Variants in DNAH3 observed in about 807,000 individuals in gnomAD.
DNAH3 encodes dynein axonemal heavy chain 3.
Under a neutral mutation model 432.5 loss-of-function variants are expected in DNAH3, and 332 were observed. The ratio of observed to expected loss-of-function variants is 0.77; its 90% confidence interval spans 0.70 to 0.84. The LOEUF (loss-of-function observed/expected upper bound fraction) is 0.84, where lower values mean the gene tolerates loss of function less well. Among genes scored for constraint, DNAH3 ranks in the 40% least tolerant of loss-of-function variants. The pLI is 0.00. For missense variants in DNAH3, 4,861 were observed against 5,114.0 expected (o/e 0.95, Z 1.51); for synonymous variants, 1,956 against 1,900.2 (o/e 1.03, Z -0.76).
chr16:21,011,678 G>A (rs1404428860), intron 41 of DNAH3, among the ~76,000 whole-genome samples: 1 of 152,024 alleles, frequency 6.6e-6, no homozygotes, highest in Non-Finnish European at 1.5e-5. Flanking sequence ...GTTTTTGCAG[G>A]ACTTGAAGCC....
At chr16:20,979,530 T>C in exon 50 of DNAH3, 2 of 1,614,144 alleles carry the variant, frequency 1.2e-6, no homozygotes, top group Non-Finnish European at 1.7e-6. Flanking sequence ...TGGAAATATT[T>C]GCACATGGAC....
chr16:20,959,479 TAAC>T (rs1567529358), intron 53 of DNAH3, 75 bp from the exon 54 acceptor site: 3 of 1,439,576 alleles, frequency 2.1e-6, no homozygotes, highest in Non-Finnish European at 2.9e-6. Context: ...ATATCAACAA[TAAC>T]AACATGGCTG....
rs1160362734 is a variant in DNAH3 at position 20,965,054 on chromosome 16, CA to C, written c.8829del (p.Phe2943LeufsTer4). The C allele has an allele frequency of 6.2e-7, 1 of 1,614,130 alleles. No homozygotes were observed. The highest frequency in any genetic ancestry group is 8.5e-7 in the Non-Finnish European group (1 of 1,180,022). On this transcript the variant is annotated frameshift_variant, in exon 53 of 62. Coordinates refer to ENST00000261383, the Ensembl canonical transcript of DNAH3. LOFTEE classifies it high-confidence loss of function. The stretch of plus-strand genomic sequence containing the variant: ...TCCTTTTTCTTGGTGTTCATCTCTT[CA>C]AAGTCGTCATTCAGGGCCTGGAGCC...
chr16:21,118,754 T>C (rs954077471), intron 11 of DNAH3, among the ~76,000 whole-genome samples: 10 of 152,168 alleles, frequency 6.6e-5, no homozygotes, highest in Non-Finnish European at 1.5e-4. Flanking sequence ...TCCAAAAGTA[T>C]TGAGATTGCA....
chr16:20,983,387 A>G (rs929366592), intron 48 of DNAH3, among the ~76,000 whole-genome samples: 2 of 152,058 alleles, frequency 1.3e-5, no homozygotes, highest in Non-Finnish European at 2.9e-5. Context: ...CAGCCTCCCA[A>G]AGTGCTGGGA....
chr16:21,156,843 A>C (rs1447172223), intron 1 of DNAH3, among the ~76,000 whole-genome samples: 2 of 152,180 alleles, frequency 1.3e-5, no homozygotes, highest in African/African-American at 4.8e-5. Context: ...CTGCTGGCCC[A>C]GCCAAAAATG....
chr16:21,048,658 C>G (rs1351930973), intron 31 of DNAH3, among the ~76,000 whole-genome samples: 1 of 151,998 alleles, frequency 6.6e-6, no homozygotes, highest in Non-Finnish European at 1.5e-5. Flanking sequence ...ACGCTGGGAG[C>G]TGTAGACCGG....
chr16:20,998,865 C>T (rs1264568865), intron 43 of DNAH3, among the ~76,000 whole-genome samples: 1 of 151,590 alleles, frequency 6.6e-6, no homozygotes, highest in Non-Finnish European at 1.5e-5. Context: ...CTCATATAAT[C>T]CGATAATAAC....
chr16:21,105,088 C>T (rs915483457), intron 15 of DNAH3, among the ~76,000 whole-genome samples: 1 of 152,112 alleles, frequency 6.6e-6, no homozygotes, highest in Non-Finnish European at 1.5e-5. Flanking sequence ...TTAAAATGTC[C>T]ACCCTGGGTT....
At position 20,961,081 on chromosome 16, in the gene DNAH3, A is replaced by G. The variant is rs150025834; in HGVS notation, c.10601-1677T>C. Among the ~76,000 whole-genome samples, 36 of 152,328 alleles carry G rather than the reference A, an allele frequency of 2.4e-4. No individual in the cohort carries two copies. The East Asian group carries it at 6.0e-3, about 25-fold the overall frequency. ...GTGAACTCACACTAAAAAAAAACCT[A>G]CACGAGGAAGTACATCACTATGAGG... On this transcript the variant is annotated intron_variant, in intron 53 of 61. Coordinates refer to ENST00000261383, the Ensembl canonical transcript of DNAH3.
intron 44 of DNAH3, among the ~76,000 whole-genome samples, chr16:20,996,562 C>T (rs1229493766): frequency 3.3e-5 from 5 of 152,100 alleles, no homozygotes; most frequent in Non-Finnish European, 7.4e-5. Flanking sequence ...TGGGTTCAAG[C>T]GATTGTCCTG....
At chr16:21,098,266 ACT>A (rs2091740450) in intron 17 of DNAH3, among the ~76,000 whole-genome samples, 1 of 151,510 alleles carries the variant, frequency 6.6e-6, no homozygotes, top group South Asian at 2.1e-4. Flanking sequence ...ACATGGCAAA[ACT>A]CTCTATTAAA....
intron 11 of DNAH3, among the ~76,000 whole-genome samples, chr16:21,119,803 G>T (rs1416131382): frequency 6.6e-6 from 1 of 151,646 alleles, no homozygotes; most frequent in Non-Finnish European, 1.5e-5. Context: ...TCACCATGTT[G>T]GCTAGGCTGG....
At position 21,086,830 on chromosome 16, in the gene DNAH3, G is replaced by C. The variant is rs779863461; in HGVS notation, c.2877+19C>G. Reference sequence around the variant, plus strand: ...GCCTGGGCTGCGCTGCTTGGGGGCGGGCAGTGATTGATAGAAACCTGCTGC... The same window carrying C: ...GCCTGGGCTGCGCTGCTTGGGGGCGCGCAGTGATTGATAGAAACCTGCTGC... On this transcript the variant is annotated intron_variant, in intron 19 of 61. Transcript: ENST00000261383. 6.1e-5 allele frequency: 98 copies of C among 1,611,060 alleles called. No homozygotes were observed. Among genetic ancestry groups the C allele is most frequent in the Non-Finnish European group, 7.5e-5 (88 of 1,177,404 alleles).
chr16:20,952,416 ACTC>A lies in DNAH3; in HGVS notation c.11188+14_11188+16del, dbSNP rs1310009137. 1.3e-6 allele frequency: 2 copies of A among 1,505,806 alleles called. No individual in the cohort carries two copies. The highest frequency in any genetic ancestry group is 2.8e-5 in the African/African-American group (2 of 71,810). 93.3% of individuals were successfully genotyped at this position (1,505,806 alleles called of 1,614,324 possible). Reference sequence around the variant, plus strand: ...GATACTGGAGGTTTACAGTGGAAAAACTCCTCCCGTAAATACCTGTCAGGTAGG... The same window carrying A: ...GATACTGGAGGTTTACAGTGGAAAAACTCCCGTAAATACCTGTCAGGTAGG... On this transcript the variant is annotated intron_variant, in intron 56 of 61. Transcript: ENST00000261383.
At chr16:21,020,348 G>GTATATATATATATATATA (rs58198093) in intron 40 of DNAH3, among the ~76,000 whole-genome samples, 2 of 69,156 alleles carry the variant, frequency 2.9e-5, no homozygotes, top group Non-Finnish European at 5.0e-5. Flanking sequence ...TATAGTGTGT[G>GTATATATATATATATATA]TATATATATA....
intron 5 of DNAH3, among the ~76,000 whole-genome samples, chr16:21,136,957 A>AC (rs1206477646): frequency 1.3e-5 from 2 of 151,860 alleles, no homozygotes; most frequent in Admixed American, 1.3e-4. Flanking sequence ...ATATGGTGAA[A>AC]CCCCATCTCT....
exon 53 of DNAH3, chr16:20,965,076 G>C: frequency 1.2e-6 from 2 of 1,613,946 alleles, no homozygotes; most frequent in Non-Finnish European, 8.5e-7. Flanking sequence ...TCAGGGCCTG[G>C]AGCCGATCTA....
chr16:21,090,599 T>C (rs148948942), intron 18 of DNAH3, among the ~76,000 whole-genome samples: 3 of 152,286 alleles, frequency 2.0e-5, no homozygotes, highest in Non-Finnish European at 4.4e-5. Flanking sequence ...ACAACATGGA[T>C]GGAACTGGAG....
Sources: allele counts gnomAD v4.1 joint callset (sites outside exome capture counted in the v4.1 genomes callset), GRCh38; gene constraint gnomAD v4.1.1; transcripts MANE v1.5; gene names NCBI Gene and HGNC (gene_info 2026-07-23, HGNC 2026-07-21).